ACOX2: variants seen among roughly 807,000 people sequenced by gnomAD.
ACOX2 encodes acyl-CoA oxidase 2.
In ACOX2, 59 loss-of-function variants were observed where a neutral mutation model predicts 77.5. The observed-to-expected ratio is 0.76, with a 90% CI of 0.62 to 0.95. ACOX2 has a LOEUF of 0.95. Ranked by LOEUF, ACOX2 falls within the 40% of genes least tolerant of loss-of-function variation. The probability of loss-of-function intolerance (pLI) is 0.00; values close to 1 mark genes in which losing one functional copy is unlikely to be tolerated. For missense variants in ACOX2, 837 were observed against 880.4 expected (o/e 0.95, Z 0.62); for synonymous variants, 317 against 340.1 (o/e 0.93, Z 0.75).
chr3:58,519,112 C>T lies in ACOX2; in HGVS notation c.1633-1689G>A, dbSNP rs927975132. On this transcript the variant is annotated intron_variant, in intron 12 of 14. Transcript: ENST00000302819. The surrounding 1 kb of genome is among the most constrained non-coding windows in gnomAD (Gnocchi z 5.0). ...AGTGTCTTGGGGGTTCGGCTGGGCGCGGTGGCTCACACCTATATCCCAGCA... is the reference window on the plus strand; with the variant it reads ...AGTGTCTTGGGGGTTCGGCTGGGCGTGGTGGCTCACACCTATATCCCAGCA... 2.0e-5 allele frequency among the ~76,000 whole-genome samples: 3 copies of T among 151,868 alleles called. No individual in the cohort carries two copies. The highest frequency in any genetic ancestry group is 4.8e-5 in the African/African-American group (2 of 41,370).
At chr3:58,509,470 T>A (rs556161549) in intron 13 of ACOX2, among the ~76,000 whole-genome samples, 1 of 151,734 alleles carries the variant, frequency 6.6e-6, no homozygotes, top group African/African-American at 2.4e-5. Flanking sequence ...GAGGTTGCAG[T>A]GAGTGGAGAT....
intron 5 of ACOX2, among the ~76,000 whole-genome samples, chr3:58,532,460 A>G (rs892088435): frequency 2.0e-5 from 3 of 151,706 alleles, no homozygotes; most frequent in African/African-American, 7.3e-5. Context: ...AGCTCGGCTC[A>G]TTGCAGCCTC....
intron 7 of ACOX2, among the ~76,000 whole-genome samples, chr3:58,530,917 G>A (rs918356344): frequency 6.6e-6 from 1 of 152,182 alleles, no homozygotes; most frequent in Non-Finnish European, 1.5e-5. Context: ...GCTGGTATCT[G>A]TTGGGCGATT....
In ACOX2 at chr3:58,530,649, C is replaced by T; in HGVS notation, c.820-11G>A. The T allele has an allele frequency of 6.2e-7, 1 of 1,612,018 alleles. No homozygotes were observed. The highest frequency in any genetic ancestry group is 8.5e-7 in the Non-Finnish European group (1 of 1,178,668). On this transcript the variant is annotated splice_polypyrimidine_tract_variant and intron_variant, in intron 7 of 14. Coordinates refer to ENST00000302819, the MANE Select transcript of ACOX2 (RefSeq NM_003500.4). ...GCCATCTGGCAAGACCTGTGTGGAACAAGGACGGGCACAAGTTCTGGGCCA... is the reference window on the plus strand; with the variant it reads ...GCCATCTGGCAAGACCTGTGTGGAATAAGGACGGGCACAAGTTCTGGGCCA...
rs2063477720 is a variant in ACOX2 at position 58,535,841 on chromosome 3, C to T, written c.-91-644G>A. Among the ~76,000 whole-genome samples the T allele has an allele frequency of 6.6e-6, 1 of 152,170 alleles. No individual in the cohort carries two copies. Among genetic ancestry groups the T allele is most frequent in the Non-Finnish European group, 1.5e-5 (1 of 68,024 alleles). On this transcript the variant is annotated intron_variant, in intron 1 of 14. Transcript: ENST00000302819. This position sits in a 1 kb window ranked among gnomAD's most constrained non-coding sequence, Gnocchi z 4.8. The stretch of plus-strand genomic sequence containing the variant: ...GCTTGGCCTCTGAGAAGCCCCTATT[C>T]CTCCACAGTGAGGCAACCATGAGGT...
rs1482741376 is a variant in ACOX2 at position 58,519,982 on chromosome 3, T to C, written c.1632+2514A>G. On this transcript the variant is annotated intron_variant, in intron 12 of 14. Transcript: ENST00000302819. The surrounding 1 kb of genome is among the most constrained non-coding windows in gnomAD (Gnocchi z 5.0). Reference sequence around the variant, plus strand: ...AGTGATGGAGAGCTGCCCAGGGGCCTGGGCCTTAAAAAGCAGGATGAGGAT... The same window carrying C: ...AGTGATGGAGAGCTGCCCAGGGGCCCGGGCCTTAAAAAGCAGGATGAGGAT... Among the ~76,000 whole-genome samples the C allele has an allele frequency of 6.6e-6, 1 of 152,212 alleles. No homozygotes were observed. Among genetic ancestry groups the C allele is most frequent in the Non-Finnish European group, 1.5e-5 (1 of 68,032 alleles).
chr3:58,510,925 A>G lies in ACOX2; in HGVS notation c.1851-1900T>C, dbSNP rs1464338424. ...AGCTCAGCAATCGTATTACATTGCTATATTTACTCATTGTTCATTTACTGT... is the reference window on the plus strand; with the variant it reads ...AGCTCAGCAATCGTATTACATTGCTGTATTTACTCATTGTTCATTTACTGT... On this transcript the variant is annotated intron_variant, in intron 13 of 14. Coordinates refer to ENST00000302819, the MANE Select transcript of ACOX2 (RefSeq NM_003500.4). 7 of 455,500 alleles carry G rather than the reference A, an allele frequency of 1.5e-5. No individual in the cohort carries two copies. In the Middle Eastern group the frequency reaches 9.7e-4, roughly 63 times the overall value. The allele number at this position is 455,500 out of a possible 1,614,324, so 28.2% of individuals were successfully genotyped here. A position where few individuals can be genotyped will look rare whatever the true frequency, so the allele number is the denominator to read the frequency against.
Position 58,533,148 on chromosome 3 carries a change from G to A in ACOX2, c.583+297C>T, listed in dbSNP as rs944904195. Among the ~76,000 whole-genome samples, 1 of 152,162 alleles carries A rather than the reference G, an allele frequency of 6.6e-6. No homozygotes were observed. Among genetic ancestry groups the A allele is most frequent in the Non-Finnish European group, 1.5e-5 (1 of 68,038 alleles). On this transcript the variant is annotated intron_variant, in intron 5 of 14. Coordinates refer to ENST00000302819, the MANE Select transcript of ACOX2 (RefSeq NM_003500.4). The surrounding 1 kb of genome is among the most constrained non-coding windows in gnomAD (Gnocchi z 5.6). ...GAGTGCCTAGGACTAGACCAAGTGTGTGTGTTTGTGCGTGTGTGTGTGAGT... is the reference window on the plus strand; with the variant it reads ...GAGTGCCTAGGACTAGACCAAGTGTATGTGTTTGTGCGTGTGTGTGTGAGT...
Position 58,524,616 on chromosome 3 carries a change from G to A in ACOX2, c.1347-11C>T, listed in dbSNP as rs2063382208. The A allele has an allele frequency of 6.2e-7, 1 of 1,613,088 alleles. No homozygotes were observed. The highest frequency in any genetic ancestry group is 8.5e-7 in the Non-Finnish European group (1 of 1,179,834). ...CTCTTCACCAGGAACCTGGGGGTTG[G>A]AAGAGGAGGCAGGTGAGAGGGCAGA... is the stretch of plus-strand genomic sequence containing the variant. On this transcript the variant is annotated splice_polypyrimidine_tract_variant and intron_variant, in intron 10 of 14. Transcript: ENST00000302819. This position sits in a 1 kb window ranked among gnomAD's most constrained non-coding sequence, Gnocchi z 5.5.
intron 13 of ACOX2, among the ~76,000 whole-genome samples, chr3:58,510,448 C>A (rs1393425289): frequency 6.6e-6 from 1 of 151,162 alleles, no homozygotes; most frequent in African/African-American, 2.4e-5. Flanking sequence ...GCCTGGCCAA[C>A]ATGGCGGAAC....
At position 58,528,827 on chromosome 3, in the gene ACOX2, G is replaced by A. The variant is rs376580160; in HGVS notation, c.1122C>T (p.Ala374=). Residue 374 remains alanine (A), a synonymous_variant, in exon 9 of 15, where the codon GCC becomes GCT. Transcript: ENST00000302819. The surrounding 1 kb of genome is among the most constrained non-coding windows in gnomAD (Gnocchi z 5.6). The part of the protein sequence containing the change: ...LLEFFQHSYT[A]ILNQDFSFLP... ...GGAAGCTGAAGTCTTGGTTCAGAAT[G>A]GCAGTGTAGGAGTGCTGGAAGAACT... The A allele has an allele frequency of 1.2e-6, 2 of 1,612,394 alleles. No individual in the cohort carries two copies. The highest frequency in any genetic ancestry group is 8.5e-7 in the Non-Finnish European group (1 of 1,179,224).
chr3:58,530,876 T>A (rs562712375), intron 7 of ACOX2, among the ~76,000 whole-genome samples: 1 of 152,278 alleles, frequency 6.6e-6, no homozygotes, highest in East Asian at 1.9e-4. Context: ...CTGGCAGAAT[T>A]GGGACCTTCA....
chr3:58,509,826 G>A (rs1184206993), intron 13 of ACOX2, among the ~76,000 whole-genome samples: 3 of 151,718 alleles, frequency 2.0e-5, no homozygotes, highest in Non-Finnish European at 2.9e-5. Context: ...GGTTGGTCTC[G>A]AATTCCTGAC....
chr3:58,517,182 T>C (rs1303158872), intron 13 of ACOX2, 24 bp downstream of exon 13: 1 of 1,609,220 alleles, frequency 6.2e-7, no homozygotes, highest in Non-Finnish European at 8.5e-7. Context: ...AAGACTAACA[T>C]GGTTTGAAGT....
rs567926119 is a variant in ACOX2 at position 58,519,857 on chromosome 3, A to G, written c.1633-2434T>C. 1.3e-5 allele frequency among the ~76,000 whole-genome samples: 2 copies of G among 152,226 alleles called. No homozygotes were observed. Among genetic ancestry groups the G allele is most frequent in the East Asian group, 3.8e-4 (2 of 5,198 alleles). Reference sequence around the variant, plus strand: ...GGCTCCAGTAGCCTTTGTTGCTCAGACTGGGTCCAGCTTGGCAGAACTGCG... The same window carrying G: ...GGCTCCAGTAGCCTTTGTTGCTCAGGCTGGGTCCAGCTTGGCAGAACTGCG... On this transcript the variant is annotated intron_variant, in intron 12 of 14. Transcript: ENST00000302819. The surrounding 1 kb of genome is among the most constrained non-coding windows in gnomAD (Gnocchi z 5.0).
At chr3:58,527,866 A>ATT (rs34861027) in intron 9 of ACOX2, among the ~76,000 whole-genome samples, 2,713 of 131,960 alleles carry the variant, frequency 0.021, 84 homozygotes, top group African/African-American at 0.07. Context: ...CTAATTTTTC[A>ATT]TTTTTTTTTT....
At chr3:58,536,725 C>G (rs1326357765) in intron 1 of ACOX2, among the ~76,000 whole-genome samples, 1 of 152,184 alleles carries the variant, frequency 6.6e-6, no homozygotes, top group Admixed American at 6.5e-5. Context: ...TCAAATGTCA[C>G]TAGGGCTTTT....
rs889127008 is a variant in ACOX2, at chr3:58,515,598, CT to C, written c.1850+1607del. 2.6e-5 allele frequency among the ~76,000 whole-genome samples: 4 copies of C among 152,214 alleles called. No homozygotes were observed. Among genetic ancestry groups the C allele is most frequent in the South Asian group, 2.1e-4 (1 of 4,814 alleles). ...AGGTGTGAGCCACTGCTCCCAGCCT[CT>C]TTTTTTCTTTTTATTAGTCTTGTTG... On this transcript the variant is annotated intron_variant, in intron 13 of 14. Transcript: ENST00000302819. This position sits in a 1 kb window ranked among gnomAD's most constrained non-coding sequence, Gnocchi z 4.0.
Position 58,527,648 on chromosome 3 carries a change from T to C in ACOX2, c.1156-992A>G, listed in dbSNP as rs572826692. ...ACCAAATGCACTAGTGCCTTGACCT[T>C]GGACTTCCCAGCCTCCAGAACTGTG... On this transcript the variant is annotated intron_variant, in intron 9 of 14. Transcript: ENST00000302819. Among the ~76,000 whole-genome samples the C allele has an allele frequency of 1.1e-4, 17 of 152,220 alleles. No homozygotes were observed. The South Asian group carries it at 3.3e-3, about 30-fold the overall frequency.
Sources: gnomAD v4.1 joint callset for allele counts (sites outside exome capture counted in the v4.1 genomes callset) on GRCh38, gnomAD v4.1.1 for gene constraint, Gnocchi (gnomAD v3.1) non-coding constraint, MANE v1.5 for transcripts, NCBI Gene and HGNC (gene_info 2026-07-23, HGNC 2026-07-21) for gene names.